The following LAS1L variants were observed in gnomAD, a reference collection of about 807,000 sequenced individuals.
LAS1L encodes the protein ribosomal biogenesis protein LAS1L.
LAS1L carries 5 observed loss-of-function variants against 57.3 expected under a neutral mutation model. The ratio of observed to expected loss-of-function variants is 0.09; its 90% CI spans 0.05 to 0.18. LAS1L has a LOEUF of 0.18. LAS1L is among the 10% of genes least tolerant of loss of function. LAS1L has a pLI of 1.00. For synonymous variants in LAS1L, 245 were observed against 231.7 expected, an observed-to-expected ratio of 1.06 and a Z score of -0.52; for missense variants, 360 against 568.3, an observed-to-expected ratio of 0.63 and a Z score of 3.73.
chrX:65,530,526 C>T (rs2069417120), intron 4 of LAS1L, among the ~76,000 whole-genome samples: 2 of 110,226 alleles, frequency 1.8e-5, no homozygotes, highest in Admixed American at 1.9e-4. Flanking sequence ...TAAAAAAATA[C>T]AGCCAGGTGC....
chrX:65,518,807 T>C (rs2068740468), intron 11 of LAS1L: 1 of 752,295 alleles, frequency 1.3e-6, no homozygotes, highest in Non-Finnish European at 1.6e-6. Context: ...TAGTCTGCAC[T>C]TAAAAGCTAC....
intron 1 of LAS1L, among the ~76,000 whole-genome samples, chrX:65,534,114 C>A (rs1188755314): frequency 8.9e-6 from 1 of 111,783 alleles, no homozygotes; most frequent in Non-Finnish European, 1.9e-5. Context: ...GTCTTGCAGG[C>A]AAGACTTCCT....
chrX:65,516,558 C>T (rs943057069), intron 12 of LAS1L, among the ~76,000 whole-genome samples: 1 of 109,500 alleles, frequency 9.1e-6, no homozygotes, highest in Non-Finnish European at 1.9e-5. Flanking sequence ...ATTTCAGCAA[C>T]CCTGCCTCCT....
intron 1 of LAS1L, 90 bp downstream of exon 1, chrX:65,534,390 A>C (rs1023202799): frequency 1.5e-6 from 1 of 680,281 alleles, no homozygotes; most frequent in Non-Finnish European, 2.2e-6. Context: ...TTAGGGGAAG[A>C]CTGGAGAACA....
chrX:65,523,447 G>C lies in LAS1L; in HGVS notation c.1448+113C>G, dbSNP rs150241503. On this transcript the variant is annotated intron_variant, in intron 11 of 13. Coordinates refer to ENST00000374811, the MANE Select transcript of LAS1L (RefSeq NM_031206.7). ...TTGTCCCATCTGTCAGTGGGAGTGA[G>C]ACTGGGCTAGACTGTCCCCAAAGGG... 7.4e-4 allele frequency: 573 copies of C among 769,973 alleles called. 8 individuals are homozygous for C. The East Asian group carries it at 0.021, about 28-fold the overall frequency. 63.5% of individuals were successfully genotyped at this position (769,973 alleles called of 1,213,427 possible).
chrX:65,523,592 T>C lies in LAS1L; in HGVS notation c.1416A>G (p.Ser472=). The change falls in exon 11 of 14, where the codon TCA becomes TCG. Residue 472 remains serine (S), a synonymous_variant. Transcript: ENST00000374811. ...WPRMVESCLG[S]PCWASPQLLR... is the part of the protein sequence containing the mutation. ...GGAGTTGGGGGCTGGCCCAGCAAGG[T>C]GAGCCCAAGCAGGACTCAACCATCC... The C allele has an allele frequency of 8.4e-7, 1 of 1,197,287 alleles. No homozygotes were observed.
At position 65,523,695 on chromosome X, in the gene LAS1L, C is replaced by A; in HGVS notation, c.1313G>T (p.Arg438Leu). Residue 438 changes from arginine to leucine, a missense_variant, in exon 11 of 14, where the codon CGC (arginine) becomes CTC (leucine). Around this residue, in one of 7 missense-constraint regions of LAS1L, gnomAD observed 81 missense variants for 192.1 expected, o/e 0.42. Transcript: ENST00000374811. ...VANTKTGRNA[R>L]RFSAGQWEAR... ...TTCCCACTGGCCTGCAGAAAATCGGCGAGCATTCCGTCCTGAGAGAGAAGA... is the reference window on the plus strand; with the variant it reads ...TTCCCACTGGCCTGCAGAAAATCGGAGAGCATTCCGTCCTGAGAGAGAAGA... The A allele has an allele frequency of 1.7e-6, 2 of 1,190,536 alleles. No individual in the cohort carries two copies. Among genetic ancestry groups the A allele is most frequent in the Admixed American group, 2.3e-5 (1 of 43,278 alleles).
intron 13 of LAS1L, 22 bp downstream of exon 13, chrX:65,514,801 T>C: frequency 8.7e-7 from 1 of 1,151,629 alleles, no homozygotes; most frequent in South Asian, 2.1e-5. Context: ...GGGTGAGAAA[T>C]CCTGTTGCCA....
rs1437418305 is a variant in LAS1L at position 65,518,099 on chromosome X, T to C, written c.1815A>G (p.Arg605=). ...EDDEDDEEED[R]MEVGPFSTGQ... is the part of the protein sequence containing the mutation. ...CTGTAGAGAAAGGCCCCACCTCCAT[T>C]CTGTCTTCCTCTTCATCATCTTCAT... Residue 605 remains arginine (R), a synonymous_variant, in exon 12 of 14, where the codon AGA becomes AGG. Coordinates refer to ENST00000374811, the MANE Select transcript of LAS1L (RefSeq NM_031206.7). 1 of 1,206,738 alleles carries C rather than the reference T, an allele frequency of 8.3e-7. No homozygotes were observed. The highest frequency in any genetic ancestry group is 1.7e-5 in the African/African-American group (1 of 57,637).
chrX:65,521,698 AT>A (rs1299062035), intron 11 of LAS1L: 1 of 111,233 alleles, frequency 9.0e-6, no homozygotes, highest in Non-Finnish European at 1.9e-5. Context: ...GGCTAGACAG[AT>A]TTGGGTTTCA....
intron 13 of LAS1L, among the ~76,000 whole-genome samples, chrX:65,513,947 C>T (rs187655949): frequency 2.9e-4 from 33 of 112,623 alleles, no homozygotes; most frequent in African/African-American, 8.4e-4. Context: ...CCTGCTGGCC[C>T]ATGGCCTTGG....
At chrX:65,518,769 T>C (rs185484120) in intron 11 of LAS1L, 3 of 726,275 alleles carry the variant, frequency 4.1e-6, no homozygotes, top group South Asian at 7.0e-5. Context: ...GCCTGGCACA[T>C]AGTGGGCATG....
intron 13 of LAS1L, 26 bp downstream of exon 13, chrX:65,514,797 G>A: frequency 1.7e-6 from 2 of 1,145,907 alleles, no homozygotes; most frequent in South Asian, 4.2e-5. Flanking sequence ...AAGGGGGTGA[G>A]AAATCCTGTT....
chrX:65,514,704 C>G (rs746357891), intron 13 of LAS1L, 119 bp downstream of exon 13: 6 of 682,445 alleles, frequency 8.8e-6, no homozygotes, highest in Non-Finnish European at 1.3e-5. Context: ...GCTTACACTT[C>G]ACTCATTTAG....
intron 12 of LAS1L, among the ~76,000 whole-genome samples, chrX:65,515,854 A>G (rs1248861947): frequency 8.9e-6 from 1 of 111,768 alleles, no homozygotes; most frequent in Non-Finnish European, 1.9e-5. Flanking sequence ...GAAAGAGTTA[A>G]TGTTCTAGAC....
chrX:65,519,804 C>T (rs1409825273), intron 11 of LAS1L, among the ~76,000 whole-genome samples: 1 of 110,890 alleles, frequency 9.0e-6, no homozygotes, highest in African/African-American at 3.3e-5. Context: ...GTCACATATG[C>T]AGGGTGACTG....
At chrX:65,520,776 G>A (rs2068817680) in intron 11 of LAS1L, 2 of 752,279 alleles carry the variant, frequency 2.7e-6, no homozygotes, top group African/African-American at 4.6e-5. Context: ...GATCTCTGTG[G>A]TCCAGACTTC....
intron 13 of LAS1L, among the ~76,000 whole-genome samples, chrX:65,514,584 A>G (rs1171154813): frequency 9.2e-6 from 1 of 108,847 alleles, no homozygotes; most frequent in African/African-American, 3.4e-5. Flanking sequence ...CCATAAGCAC[A>G]AACTGAATGC....
chrX:65,515,804 CAT>C (rs1325111520), intron 12 of LAS1L, among the ~76,000 whole-genome samples: 1 of 111,899 alleles, frequency 8.9e-6, no homozygotes, highest in South Asian at 3.8e-4. Flanking sequence ...CCTCCCCACA[CAT>C]GTGTACACAC....
Sources: gnomAD v4.1 joint callset for allele counts (sites outside exome capture counted in the v4.1 genomes callset) on GRCh38, gnomAD v4.1.1 for gene constraint, gnomAD v4.1.1 regional missense constraint, MANE v1.5 for transcripts, NCBI Gene and HGNC (gene_info 2026-07-23, HGNC 2026-07-21) for gene names.